The following KLF12 variants were observed in gnomAD, a reference collection of about 807,000 sequenced individuals.
KLF12 encodes KLF transcription factor 12, also known as Krueppel-like factor 12.
KLF12 carries 9 observed loss-of-function variants against 37.8 expected under a neutral mutation model. That is an observed-to-expected ratio of 0.24 (90% confidence interval 0.14 to 0.42). KLF12 has a LOEUF of 0.42. KLF12 is among the 10% of genes least tolerant of loss of function. The pLI is 1.00. For synonymous variants in KLF12, 208 were observed against 202.1 expected, an observed-to-expected ratio of 1.03 and a Z score of -0.25; for missense variants, 411 against 516.0, an observed-to-expected ratio of 0.80 and a Z score of 1.97.
intron 4 of KLF12, among the ~76,000 whole-genome samples, chr13:73,821,465 C>T (rs1476180168): frequency 1.3e-5 from 2 of 152,310 alleles, no homozygotes; most frequent in South Asian, 2.1e-4. Flanking sequence ...CAGTGACCCA[C>T]GTTCCAAACT....
At chr13:73,970,692 G>A (rs1016466371) in intron 2 of KLF12, among the ~76,000 whole-genome samples, 6 of 152,076 alleles carry the variant, frequency 3.9e-5, no homozygotes, top group Non-Finnish European at 8.8e-5. Context: ...CCAGACTGTC[G>A]GACAACTTGG....
At chr13:74,013,853 CTTTT>C (rs752776960) in intron 1 of KLF12, among the ~76,000 whole-genome samples, 1 of 143,900 alleles carries the variant, frequency 6.9e-6, no homozygotes, top group African/African-American at 2.5e-5. Flanking sequence ...TTCTTCTTTT[CTTTT>C]TTTTTTTTAA....
chr13:74,114,663 G>C (rs1877185704), intron 1 of KLF12, among the ~76,000 whole-genome samples: 1 of 152,128 alleles, frequency 6.6e-6, no homozygotes, highest in South Asian at 2.1e-4. Flanking sequence ...TAAAATCTGA[G>C]ATATGGCAGC....
the KLF12 span, among the ~76,000 whole-genome samples, chr13:74,242,660 T>G: frequency 6.6e-6 from 1 of 152,220 alleles, no homozygotes; most frequent in Admixed American, 6.5e-5. Flanking sequence ...TTGTGAGTTT[T>G]AATTCTTTAA....
the KLF12 span, among the ~76,000 whole-genome samples, chr13:74,210,951 G>T: frequency 6.6e-6 from 1 of 152,242 alleles, no homozygotes; most frequent in East Asian, 1.9e-4. Context: ...TTGTAACACT[G>T]CCCAACCGAG....
chr13:73,967,985 C>T (rs1891219980), intron 2 of KLF12, among the ~76,000 whole-genome samples: 1 of 152,142 alleles, frequency 6.6e-6, no homozygotes, highest in South Asian at 2.1e-4. Context: ...GCTACTACTT[C>T]TCAATATGGT....
intron 1 of KLF12, among the ~76,000 whole-genome samples, chr13:74,016,650 A>G (rs1593832489): frequency 6.6e-6 from 1 of 152,340 alleles, no homozygotes; most frequent in East Asian, 1.9e-4. Flanking sequence ...GGTGTAAGCC[A>G]CCATGCCCTG....
chr13:74,293,150 G>A, the KLF12 span, among the ~76,000 whole-genome samples: 2 of 152,106 alleles, frequency 1.3e-5, no homozygotes, highest in East Asian at 1.9e-4. Flanking sequence ...CACATTATAC[G>A]AATGAGATGT....
chr13:73,765,592 T>G (rs1022616974), intron 5 of KLF12, among the ~76,000 whole-genome samples: 9 of 152,166 alleles, frequency 5.9e-5, no homozygotes, highest in African/African-American at 1.7e-4. Flanking sequence ...ATTCAAAATT[T>G]TAGCCAGATA....
At chr13:73,746,981 A>AT (rs1055616924) in intron 6 of KLF12, among the ~76,000 whole-genome samples, 3 of 151,548 alleles carry the variant, frequency 2.0e-5, no homozygotes, top group Admixed American at 6.6e-5. Flanking sequence ...CACCTGGCTA[A>AT]TTTTTTTGTA....
In KLF12 at chr13:74,060,730, T is replaced by C. The variant is rs147238861; in HGVS notation, c.-31-65677A>G. ...CATCAGTGAACAGAGATAATTTTACTTCCTCTTTTCCAATTTGGATGTCTT... is the reference window on the plus strand; with the variant it reads ...CATCAGTGAACAGAGATAATTTTACCTCCTCTTTTCCAATTTGGATGTCTT... On this transcript the variant is annotated intron_variant, in intron 1 of 7. Transcript: ENST00000377669. Among the ~76,000 whole-genome samples, 510 of 152,308 alleles carry C rather than the reference T, an allele frequency of 3.3e-3. 1 individual carries two copies. Among genetic ancestry groups the C allele is most frequent in the African/African-American group, 0.012 (487 of 41,566 alleles).
the KLF12 span, among the ~76,000 whole-genome samples, chr13:74,214,983 G>A: frequency 4.0e-5 from 6 of 151,776 alleles, no homozygotes; most frequent in East Asian, 7.8e-4. Flanking sequence ...TAGTAGAGAC[G>A]GGGTTTCACC....
intron 3 of KLF12, among the ~76,000 whole-genome samples, chr13:73,922,272 T>G (rs1889151119): frequency 6.6e-6 from 1 of 152,134 alleles, no homozygotes; most frequent in African/African-American, 2.4e-5. Flanking sequence ...GTTTGCTTTT[T>G]CCCCCTTCAG....
chr13:73,736,016 C>T (rs1412808705), intron 6 of KLF12, among the ~76,000 whole-genome samples: 1 of 151,594 alleles, frequency 6.6e-6, no homozygotes, highest in Non-Finnish European at 1.5e-5. Flanking sequence ...GTTGTACTAC[C>T]CAGGTATGAC....
intron 2 of KLF12, among the ~76,000 whole-genome samples, chr13:73,991,916 T>C (rs539141915): frequency 8.5e-5 from 13 of 152,334 alleles, no homozygotes; most frequent in African/African-American, 2.4e-4. Context: ...CAACCATCAC[T>C]ATGAAATAAA....
intron 1 of KLF12, among the ~76,000 whole-genome samples, chr13:73,996,963 C>T (rs575626870): frequency 6.7e-6 from 1 of 149,842 alleles, no homozygotes; most frequent in East Asian, 2.0e-4. Flanking sequence ...TTCTTACAAA[C>T]CCCTGTCTTA....
the KLF12 span, among the ~76,000 whole-genome samples, chr13:74,292,807 C>T: frequency 2.0e-5 from 3 of 152,164 alleles, no homozygotes; most frequent in Non-Finnish European, 4.4e-5. Context: ...TTTTCCATTG[C>T]CACTAGACAT....
intron 1 of KLF12, 128 bp from the exon 2 acceptor site, chr13:73,995,181 ATCTTT>A (rs1218447701): frequency 4.8e-6 from 3 of 629,146 alleles, no homozygotes; most frequent in Non-Finnish European, 8.1e-6. Context: ...GCTGAGGAAT[ATCTTT>A]TCTTCAGCTA....
chr13:73,770,098 T>C (rs1312682457), intron 5 of KLF12, among the ~76,000 whole-genome samples: 1 of 152,206 alleles, frequency 6.6e-6, no homozygotes, highest in African/African-American at 2.4e-5. Context: ...CAACTCAGTT[T>C]ACTACATTTG....
Sources: allele counts gnomAD v4.1 joint callset (sites outside exome capture counted in the v4.1 genomes callset), GRCh38; gene constraint gnomAD v4.1.1; transcripts MANE v1.5; gene names NCBI Gene and HGNC (gene_info 2026-07-23, HGNC 2026-07-21).